Variants in KLF8 observed in about 807,000 individuals in gnomAD.
KLF8 encodes the protein KLF transcription factor 8, also known as Krueppel-like factor 8.
A neutral mutation model predicts 18.2 loss-of-function variants in KLF8; 10 were observed. That is an observed-to-expected ratio of 0.55 (90% CI 0.34 to 0.93). The LOEUF (loss-of-function observed/expected upper bound fraction) is 0.93. Among genes scored for constraint, KLF8 ranks in the 40% least tolerant of loss-of-function variants. The pLI is 0.02. For synonymous variants in KLF8, 109 were observed against 97.3 expected, an observed-to-expected ratio of 1.12 and a Z score of -0.71; for missense variants, 264 against 277.9, an observed-to-expected ratio of 0.95 and a Z score of 0.36.
chrX:56,277,410 G>A (rs1022202615), intron 5 of KLF8, among the ~76,000 whole-genome samples: 3 of 111,797 alleles, frequency 2.7e-5, no homozygotes, highest in Non-Finnish European at 5.6e-5. Flanking sequence ...GACTTGTAGA[G>A]GTTCCACTTT....
chrX:56,062,487 T>C, the KLF8 span, among the ~76,000 whole-genome samples: 1 of 112,133 alleles, frequency 8.9e-6, no homozygotes, highest in Non-Finnish European at 1.9e-5. Flanking sequence ...AAAATTCTTT[T>C]CTTTAAGAGT....
chrX:56,008,014 G>C, the KLF8 span, among the ~76,000 whole-genome samples: 1 of 109,868 alleles, frequency 9.1e-6, no homozygotes, highest in Non-Finnish European at 1.9e-5. Context: ...AGTGAGCCTA[G>C]TAGTTACTAT....
At chrX:56,087,144 A>T in the KLF8 span, among the ~76,000 whole-genome samples, 3 of 111,488 alleles carry the variant, frequency 2.7e-5, no homozygotes, top group African/African-American at 9.8e-5. Flanking sequence ...GGTTGCCAAG[A>T]TTAGGGAAGT....
the KLF8 span, among the ~76,000 whole-genome samples, chrX:56,076,675 C>G: frequency 1.8e-5 from 2 of 111,583 alleles, no homozygotes; most frequent in Admixed American, 9.5e-5. Flanking sequence ...ATGGCTGGGT[C>G]AAATGGTATT....
chrX:56,180,887 T>C, the KLF8 span, among the ~76,000 whole-genome samples: 1,386 of 112,117 alleles, frequency 0.012, 26 homozygotes, highest in African/African-American at 0.043. Flanking sequence ...TCCAACTATG[T>C]GGTCAATTTT....
chrX:55,986,807 T>G, the KLF8 span, among the ~76,000 whole-genome samples: 1 of 111,626 alleles, frequency 9.0e-6, no homozygotes, highest in Non-Finnish European at 1.9e-5. Flanking sequence ...AGGTAATGAG[T>G]ATAGCACCAG....
chrX:56,041,475 A>AT, the KLF8 span, among the ~76,000 whole-genome samples: 50,318 of 93,772 alleles, frequency 0.54, 12,521 homozygotes, highest in Non-Finnish European at 0.72. Context: ...CAGTCTATCT[A>AT]TTTTTTTTTT....
the KLF8 span, among the ~76,000 whole-genome samples, chrX:55,919,870 G>T: frequency 8.9e-6 from 1 of 111,783 alleles, no homozygotes; most frequent in African/African-American, 3.3e-5. Flanking sequence ...ACTTAACCAG[G>T]TGTCTCTAGG....
chrX:56,112,769 A>C, the KLF8 span, among the ~76,000 whole-genome samples: 25 of 112,179 alleles, frequency 2.2e-4, no homozygotes, highest in Admixed American at 1.5e-3. Flanking sequence ...ATTTTCATTC[A>C]ACTATTATAC....
chrX:56,028,467 TC>T, the KLF8 span, among the ~76,000 whole-genome samples: 3 of 111,583 alleles, frequency 2.7e-5, no homozygotes, highest in Non-Finnish European at 5.6e-5. Flanking sequence ...ATACCTGCTG[TC>T]TGCAAATCTG....
At chrX:56,052,733 C>T in the KLF8 span, among the ~76,000 whole-genome samples, 3 of 111,917 alleles carry the variant, frequency 2.7e-5, no homozygotes. Context: ...TTGTCTGTGC[C>T]CTGCCCCCAG....
At chrX:56,018,273 T>G in the KLF8 span, among the ~76,000 whole-genome samples, 1 of 110,996 alleles carries the variant, frequency 9.0e-6, no homozygotes, top group African/African-American at 3.3e-5. Context: ...CACATAAAAG[T>G]GAGAACATGC....
chrX:56,018,327 C>G, the KLF8 span, among the ~76,000 whole-genome samples: 1 of 111,309 alleles, frequency 9.0e-6, no homozygotes, highest in Admixed American at 9.6e-5. Flanking sequence ...ACATAGTTTT[C>G]TCCTAATTTT....
chrX:55,917,007 G>A, the KLF8 span, among the ~76,000 whole-genome samples: 1 of 112,220 alleles, frequency 8.9e-6, no homozygotes, highest in African/African-American at 3.2e-5. Context: ...AAATGCCAAA[G>A]TAAGCTGATC....
the KLF8 span, among the ~76,000 whole-genome samples, chrX:56,178,131 G>T: frequency 1.8e-5 from 2 of 111,817 alleles, no homozygotes; most frequent in South Asian, 7.5e-4. Flanking sequence ...CTGACACTCC[G>T]CAGTGAGGTG....
the KLF8 span, among the ~76,000 whole-genome samples, chrX:56,026,395 C>G: frequency 8.9e-6 from 1 of 111,820 alleles, no homozygotes; most frequent in African/African-American, 3.3e-5. Context: ...TCAATTTCAC[C>G]TAACTCTTGG....
chrX:56,029,331 A>G, the KLF8 span, among the ~76,000 whole-genome samples: 1 of 111,685 alleles, frequency 9.0e-6, no homozygotes, highest in Non-Finnish European at 1.9e-5. Flanking sequence ...TCAGCTTGCT[A>G]AGCAAGTCTC....
chrX:56,187,371 G>T, the KLF8 span, among the ~76,000 whole-genome samples: 1 of 111,736 alleles, frequency 8.9e-6, no homozygotes, highest in Admixed American at 9.5e-5. Flanking sequence ...TGAAATTGTG[G>T]CAATAATCAA....
At chrX:56,184,376 G>A in the KLF8 span, among the ~76,000 whole-genome samples, 4 of 112,466 alleles carry the variant, frequency 3.6e-5, no homozygotes, top group East Asian at 2.8e-4. Context: ...CAGGAAGCTC[G>A]AACTGGGTGG....
Sources: allele counts gnomAD v4.1 joint callset (sites outside exome capture counted in the v4.1 genomes callset), GRCh38; gene constraint gnomAD v4.1.1; transcripts MANE v1.5; gene names NCBI Gene and HGNC (gene_info 2026-07-23, HGNC 2026-07-21).